The following RABGAP1L variants were observed in gnomAD, a reference collection of about 807,000 sequenced individuals.
The protein encoded by RABGAP1L is RAB GTPase activating protein 1 like.
Under a neutral mutation model 137.7 loss-of-function variants are expected in RABGAP1L, and 63 were observed. The ratio of observed to expected loss-of-function variants is 0.46; its 90% CI spans 0.37 to 0.56. The LOEUF (loss-of-function observed/expected upper bound fraction) is 0.56, where lower values mean the gene tolerates loss of function less well. Ranked by LOEUF, RABGAP1L falls within the 20% of genes least tolerant of loss-of-function variation. The pLI is 0.00. For synonymous variants in RABGAP1L, 431 were observed against 433.7 expected, an observed-to-expected ratio of 0.99 and a Z score of 0.08; for missense variants, 1,095 against 1,244.0, an observed-to-expected ratio of 0.88 and a Z score of 1.80.
chr1:174,634,431 T>C (rs1243249905), intron 13 of RABGAP1L, among the ~76,000 whole-genome samples: 11 of 120,890 alleles, frequency 9.1e-5, no homozygotes, highest in East Asian at 5.0e-4. Flanking sequence ...TTTACACTGT[T>C]GGTGGGACTG....
At chr1:174,258,287 T>C (rs1481861613) in intron 7 of RABGAP1L, among the ~76,000 whole-genome samples, 1 of 152,136 alleles carries the variant, frequency 6.6e-6, no homozygotes, top group African/African-American at 2.4e-5. Context: ...TCTTAACACC[T>C]CTGAATCTTT....
At chr1:174,580,281 G>T (rs1165550301) in intron 13 of RABGAP1L, among the ~76,000 whole-genome samples, 1 of 152,118 alleles carries the variant, frequency 6.6e-6, no homozygotes, top group Non-Finnish European at 1.5e-5. Flanking sequence ...CCATTACTGG[G>T]TATATGCCCA....
intron 13 of RABGAP1L, among the ~76,000 whole-genome samples, chr1:174,569,749 G>C (rs1572357188): frequency 1.3e-5 from 2 of 152,214 alleles, no homozygotes; most frequent in African/African-American, 4.8e-5. Flanking sequence ...ATTCAGTGGT[G>C]TATTTTCTCA....
intron 17 of RABGAP1L, among the ~76,000 whole-genome samples, chr1:174,743,087 A>G (rs1229405888): frequency 6.6e-6 from 1 of 152,188 alleles, no homozygotes; most frequent in Non-Finnish European, 1.5e-5. Context: ...GATTATTGCC[A>G]AGGAAGAAGG....
At chr1:174,390,901 C>G (rs1319530553) in intron 12 of RABGAP1L, among the ~76,000 whole-genome samples, 2 of 151,980 alleles carry the variant, frequency 1.3e-5, no homozygotes, top group Non-Finnish European at 2.9e-5. Flanking sequence ...GCTTCTAGAA[C>G]TTGGGATACA....
At chr1:174,785,948 TA>T (rs1007692645) in intron 18 of RABGAP1L, among the ~76,000 whole-genome samples, 1 of 151,990 alleles carries the variant, frequency 6.6e-6, no homozygotes, top group Non-Finnish European at 1.5e-5. Flanking sequence ...AAAGAAATAG[TA>T]AAAAAAAGTA....
At chr1:174,196,400 T>G (rs1667693103) in intron 1 of RABGAP1L, among the ~76,000 whole-genome samples, 1 of 151,800 alleles carries the variant, frequency 6.6e-6, no homozygotes, top group Non-Finnish European at 1.5e-5. Context: ...ATTTTTTGTA[T>G]TTTTTGGTAG....
chr1:174,495,414 G>A (rs569888734), intron 13 of RABGAP1L, among the ~76,000 whole-genome samples: 1 of 152,224 alleles, frequency 6.6e-6, no homozygotes, highest in South Asian at 2.1e-4. Context: ...TATTTCAGGA[G>A]AGAGGTAGAT....
At chr1:174,701,922 C>T (rs1000161381) in intron 16 of RABGAP1L, among the ~76,000 whole-genome samples, 191 bp from the exon 17 acceptor site, 1 of 152,008 alleles carries the variant, frequency 6.6e-6, no homozygotes, top group African/African-American at 2.4e-5. Context: ...TTTTTATTTT[C>T]CTCAATTATC....
chr1:174,563,016 A>G (rs1270923275), intron 13 of RABGAP1L, among the ~76,000 whole-genome samples: 2 of 152,180 alleles, frequency 1.3e-5, no homozygotes, highest in African/African-American at 4.8e-5. Flanking sequence ...AAAAAGAAAT[A>G]AAAATGAAGT....
chr1:174,416,857 T>C (rs1220623362), intron 13 of RABGAP1L, among the ~76,000 whole-genome samples: 1 of 152,148 alleles, frequency 6.6e-6, no homozygotes, highest in African/African-American at 2.4e-5. Flanking sequence ...TTTGTGTTTG[T>C]AAGATGATTA....
intron 13 of RABGAP1L, among the ~76,000 whole-genome samples, chr1:174,587,017 C>T (rs558179398): frequency 5.1e-4 from 77 of 151,768 alleles, no homozygotes; most frequent in African/African-American, 1.7e-3. Context: ...TTTGTTCTTG[C>T]GATAGTTTAC....
At chr1:174,931,152 G>A (rs1381400178) in intron 19 of RABGAP1L, among the ~76,000 whole-genome samples, 3 of 152,104 alleles carry the variant, frequency 2.0e-5, no homozygotes, top group African/African-American at 7.2e-5. Context: ...ATATACTGTG[G>A]GTGATGGGAA....
intron 7 of RABGAP1L, among the ~76,000 whole-genome samples, chr1:174,267,453 C>T (rs1006889753): frequency 6.6e-6 from 1 of 152,078 alleles, no homozygotes; most frequent in African/African-American, 2.4e-5. Flanking sequence ...TGAAGATGAA[C>T]TTATCAGTGT....
At chr1:174,442,799 A>G (rs193011864) in intron 13 of RABGAP1L, among the ~76,000 whole-genome samples, 25 of 152,192 alleles carry the variant, frequency 1.6e-4, no homozygotes, top group Admixed American at 1.3e-3. Context: ...TCTCCCCACT[A>G]CAACCACTAG....
chr1:174,928,612 C>T (rs909045378), intron 19 of RABGAP1L, among the ~76,000 whole-genome samples: 6 of 151,930 alleles, frequency 3.9e-5, no homozygotes, highest in African/African-American at 9.7e-5. Context: ...TTAGGGAACT[C>T]GGGAAATGAT....
intron 13 of RABGAP1L, among the ~76,000 whole-genome samples, chr1:174,418,453 T>G (rs188863558): frequency 6.6e-6 from 1 of 152,342 alleles, no homozygotes; most frequent in African/African-American, 2.4e-5. Context: ...TGATGGCACA[T>G]TAATGCTTTG....
chr1:174,664,522 C>T (rs1676604500), intron 14 of RABGAP1L, among the ~76,000 whole-genome samples: 1 of 151,956 alleles, frequency 6.6e-6, no homozygotes, highest in African/African-American at 2.4e-5. Context: ...GTGTAATATA[C>T]ATTCAAATGA....
At position 174,540,587 on chromosome 1, in the gene RABGAP1L, A is replaced by T. The variant is rs528803989; in HGVS notation, c.1711-96788A>T. On this transcript the variant is annotated intron_variant, in intron 13 of 25. Coordinates refer to ENST00000681986, the MANE Select transcript of RABGAP1L (RefSeq NM_001366446.1). ...ATTTCTTGTTTTTGTCAGGTTTGTCAGAGATCAGATGGTTGTAGATGTGTG... is the reference window on the plus strand; with the variant it reads ...ATTTCTTGTTTTTGTCAGGTTTGTCTGAGATCAGATGGTTGTAGATGTGTG... Among the ~76,000 whole-genome samples the T allele has an allele frequency of 4.6e-5, 7 of 152,276 alleles. No individual in the cohort carries two copies. In the South Asian group the frequency reaches 1.5e-3, roughly 32 times the overall value.
Sources: gnomAD v4.1 joint callset for allele counts (sites outside exome capture counted in the v4.1 genomes callset) on GRCh38, gnomAD v4.1.1 for gene constraint, MANE v1.5 for transcripts, NCBI Gene and HGNC (gene_info 2026-07-23, HGNC 2026-07-21) for gene names.